The following NDRG3 variants were observed in gnomAD, a reference collection of about 807,000 sequenced individuals.
The protein encoded by NDRG3 is protein NDRG3.
Under a neutral mutation model 57.2 loss-of-function variants are expected in NDRG3, and 23 were observed. The observed-to-expected ratio is 0.40, with a 90% CI of 0.29 to 0.57. NDRG3 has a LOEUF of 0.57. NDRG3 is among the 20% of genes least tolerant of loss of function. The pLI is 0.42. For missense variants in NDRG3, 384 were observed against 457.3 expected (o/e 0.84, Z 1.46); for synonymous variants, 132 against 162.6 (o/e 0.81, Z 1.43).
intron 9 of NDRG3, among the ~76,000 whole-genome samples, chr20:36,666,775 TTAAG>T (rs1394680035): frequency 6.6e-6 from 1 of 152,172 alleles, no homozygotes; most frequent in African/African-American, 2.4e-5. Flanking sequence ...GTTTTAAAGA[TTAAG>T]TAAGAAAAGT....
At chr20:36,703,740 T>C (rs978796718) in intron 3 of NDRG3, among the ~76,000 whole-genome samples, 2 of 152,140 alleles carry the variant, frequency 1.3e-5, no homozygotes, top group African/African-American at 2.4e-5. Context: ...GCATGAGCCA[T>C]AGCACCCAGC....
Position 36,689,435 on chromosome 20 carries a change from A to G in NDRG3, c.94-651T>C, listed in dbSNP as rs551856100. 3.3e-5 allele frequency among the ~76,000 whole-genome samples: 5 copies of G among 152,312 alleles called. No homozygotes were observed. The East Asian group carries it at 9.6e-4, about 29-fold the overall frequency. On this transcript the variant is annotated intron_variant, in intron 3 of 15. Coordinates refer to ENST00000349004, the MANE Select transcript of NDRG3 (RefSeq NM_032013.4). ...GTGGGGAAAAAAGGAAATGGAAGAT[A>G]TGAAGAAGTTGCTGGGTAAAAAATC...
chr20:36,707,435 G>A (rs1983610483), intron 2 of NDRG3, among the ~76,000 whole-genome samples: 1 of 152,082 alleles, frequency 6.6e-6, no homozygotes, highest in African/African-American at 2.4e-5. Flanking sequence ...TGCAGAACCA[G>A]GAATTAAATA....
chr20:36,656,628 C>A (rs1192952481), intron 13 of NDRG3, 96 bp from the exon 14 acceptor site: 30 of 1,381,142 alleles, frequency 2.2e-5, no homozygotes, highest in Non-Finnish European at 3.0e-5. Flanking sequence ...AGATTGAATT[C>A]TAGGTTTTAA....
At chr20:36,680,675 G>T in intron 8 of NDRG3, 141 bp downstream of exon 8, 1 of 598,210 alleles carries the variant, frequency 1.7e-6, no homozygotes, top group Non-Finnish European at 3.0e-6. Flanking sequence ...TTGATTGGAT[G>T]GTGATTTTAT....
intron 3 of NDRG3, among the ~76,000 whole-genome samples, chr20:36,699,354 T>C (rs1983054573): frequency 1.3e-5 from 2 of 152,212 alleles, no homozygotes. Context: ...GAGGTTTCAA[T>C]ATCTCTCATG....
chr20:36,686,786 G>A (rs1171996933), intron 5 of NDRG3, among the ~76,000 whole-genome samples: 1 of 152,212 alleles, frequency 6.6e-6, no homozygotes, highest in Non-Finnish European at 1.5e-5. Context: ...AGCTAAGGAT[G>A]GGGAGATGCT....
intron 8 of NDRG3, among the ~76,000 whole-genome samples, chr20:36,675,026 C>T (rs575026441): frequency 3.4e-5 from 5 of 146,576 alleles, no homozygotes; most frequent in African/African-American, 1.3e-4. Context: ...TACCGAGTAG[C>T]TGGAACCACA....
chr20:36,694,689 TAC>T (rs1405111985), intron 3 of NDRG3, among the ~76,000 whole-genome samples: 3 of 152,372 alleles, frequency 2.0e-5, no homozygotes, highest in East Asian at 1.9e-4. Context: ...ACAACATCTC[TAC>T]ACAGTTTTCT....
At chr20:36,745,992 C>T in intron 1 of NDRG3, 53 bp downstream of exon 1, 1 of 318,554 alleles carries the variant, frequency 3.1e-6, no homozygotes, top group Non-Finnish European at 5.8e-6. Context: ...GAGCGACGCC[C>T]CCGAATGCGG....
chr20:36,689,002 C>T (rs1158227553), intron 3 of NDRG3, among the ~76,000 whole-genome samples: 2 of 152,052 alleles, frequency 1.3e-5, no homozygotes, highest in Admixed American at 1.3e-4. Flanking sequence ...GAGGATCAGC[C>T]TGGCCAACAT....
chr20:36,736,063 G>A (rs1418791790), intron 1 of NDRG3, among the ~76,000 whole-genome samples: 3 of 151,844 alleles, frequency 2.0e-5, no homozygotes, highest in Admixed American at 6.6e-5. Flanking sequence ...AGTAGCCTAG[G>A]TCAGAATGCA....
rs141850127 is a variant in NDRG3, at chr20:36,733,146, C to CAAAA, written c.-48-11367_-48-11364dup. Among the ~76,000 whole-genome samples, 14 of 38,972 alleles carry CAAAA rather than the reference C, an allele frequency of 3.6e-4. 1 individual carries two copies. The highest frequency in any genetic ancestry group is 4.6e-4 in the Non-Finnish European group (10 of 21,654). The allele number at this position is 38,972 out of a possible 152,430, so 25.6% of individuals were successfully genotyped here. A position where few individuals can be genotyped will look rare whatever the true frequency, so the allele number is the denominator to read the frequency against. The stretch of plus-strand genomic sequence containing the variant: ...TGGGTGACGGAACACGATCCTGTCT[C>CAAAA]AAAAAAAAAAAAAAAAAAAAAAAAA... On this transcript the variant is annotated intron_variant, in intron 1 of 15. Coordinates refer to ENST00000349004, the MANE Select transcript of NDRG3 (RefSeq NM_032013.4).
rs887507876 is a variant in NDRG3, at chr20:36,655,112, G to T, written c.946+1248C>A. On this transcript the variant is annotated intron_variant, in intron 15 of 15. Transcript: ENST00000349004. ...GGGCTGGAAGATCAGCTATTTCATA[G>T]GAAAAGGATAAGAATGGACTAGGAG... is the stretch of plus-strand genomic sequence containing the variant. Among the ~76,000 whole-genome samples, 5 of 152,224 alleles carry T rather than the reference G, an allele frequency of 3.3e-5. No individual in the cohort carries two copies. The East Asian group carries it at 9.6e-4, about 29-fold the overall frequency.
chr20:36,714,404 CA>C (rs1187671006), intron 2 of NDRG3, among the ~76,000 whole-genome samples: 4,219 of 63,984 alleles, frequency 0.066, 258 homozygotes, highest in African/African-American at 0.2. Flanking sequence ...GACTCCAACT[CA>C]AAAAAAAAAA....
chr20:36,688,967 T>C (rs1460751737), intron 3 of NDRG3, among the ~76,000 whole-genome samples, 183 bp from the exon 4 acceptor site: 3 of 152,004 alleles, frequency 2.0e-5, no homozygotes, highest in African/African-American at 4.8e-5. Context: ...GCCTAGGTGG[T>C]CGGATCACTT....
intron 5 of NDRG3, among the ~76,000 whole-genome samples, chr20:36,687,202 G>C (rs1358115614): frequency 2.3e-5 from 3 of 127,726 alleles, no homozygotes; most frequent in African/African-American, 8.3e-5. Context: ...GAAAGATAAA[G>C]ACAGTGAGGA....
chr20:36,705,411 A>G (rs2148166090), intron 3 of NDRG3, among the ~76,000 whole-genome samples: 1 of 152,238 alleles, frequency 6.6e-6, no homozygotes, highest in African/African-American at 2.4e-5. Flanking sequence ...CTGTATGTTT[A>G]GTAGGTACCC....
At chr20:36,715,004 G>GTATATATA (rs1163522116) in intron 2 of NDRG3, among the ~76,000 whole-genome samples, 6 of 32,488 alleles carry the variant, frequency 1.8e-4, no homozygotes, top group Admixed American at 4.8e-4. Context: ...GTGTGTGTGT[G>GTATATATA]TGTATATATA....
Sources: gnomAD v4.1 joint callset for allele counts (sites outside exome capture counted in the v4.1 genomes callset) on GRCh38, gnomAD v4.1.1 for gene constraint, MANE v1.5 for transcripts, NCBI Gene and HGNC (gene_info 2026-07-23, HGNC 2026-07-21) for gene names.